MAP4K5: variants seen among roughly 807,000 people sequenced by gnomAD.
MAP4K5 encodes mitogen-activated protein kinase kinase kinase kinase 5.
Under a neutral mutation model 135.6 loss-of-function variants are expected in MAP4K5, and 82 were observed. The observed-to-expected ratio is 0.60, with a 90% CI of 0.51 to 0.73. The LOEUF (loss-of-function observed/expected upper bound fraction) is 0.73, where lower values mean the gene tolerates loss of function less well. MAP4K5 is among the 30% of genes least tolerant of loss of function. The probability of loss-of-function intolerance (pLI) is 0.00; values close to 1 mark genes in which losing one functional copy is unlikely to be tolerated. For synonymous variants in MAP4K5, 347 were observed against 335.0 expected (o/e 1.04, Z -0.39); for missense variants, 907 against 1,010.9 (o/e 0.90, Z 1.39).
At chr14:50,452,202 T>G (rs1249846022) in intron 14 of MAP4K5, among the ~76,000 whole-genome samples, 1 of 152,182 alleles carries the variant, frequency 6.6e-6, no homozygotes, top group African/African-American at 2.4e-5. Flanking sequence ...ATGGGTTTAT[T>G]AGGATGTAAC....
At chr14:50,482,697 A>C in intron 5 of MAP4K5, 2 of 245,972 alleles carry the variant, frequency 8.1e-6, no homozygotes, top group Non-Finnish European at 1.6e-5. Context: ...GAATTGCTTG[A>C]ACCCGGGAGG....
At chr14:50,511,511 C>G (rs1280423836) in intron 2 of MAP4K5, among the ~76,000 whole-genome samples, 2 of 152,044 alleles carry the variant, frequency 1.3e-5, no homozygotes, top group Non-Finnish European at 1.5e-5. Flanking sequence ...TACAGGATAG[C>G]TATAGTTAAC....
chr14:50,422,497 T>G (rs2035755957), intron 32 of MAP4K5, among the ~76,000 whole-genome samples: 1 of 151,972 alleles, frequency 6.6e-6, no homozygotes, highest in African/African-American at 2.4e-5. Flanking sequence ...AGTAACAACT[T>G]TTGGTGGGAA....
intron 13 of MAP4K5, among the ~76,000 whole-genome samples, chr14:50,459,854 T>C (rs1293328569): frequency 3.3e-5 from 5 of 151,982 alleles, no homozygotes; most frequent in Non-Finnish European, 5.9e-5. Flanking sequence ...TGTGCCACCA[T>C]GCCCAGCTAA....
At chr14:50,435,320 C>A (rs889379389) in intron 26 of MAP4K5, among the ~76,000 whole-genome samples, 1 of 152,104 alleles carries the variant, frequency 6.6e-6, no homozygotes, top group Non-Finnish European at 1.5e-5. Context: ...ACCTAACATG[C>A]AACCTAAAAA....
intron 2 of MAP4K5, among the ~76,000 whole-genome samples, chr14:50,539,993 AT>A (rs2038540622): frequency 6.6e-6 from 1 of 152,042 alleles, no homozygotes; most frequent in African/African-American, 2.4e-5. Flanking sequence ...GGCCCATACA[AT>A]TTACTCTTTT....
chr14:50,441,056 T>C (rs1009565635), intron 21 of MAP4K5, among the ~76,000 whole-genome samples: 3 of 152,090 alleles, frequency 2.0e-5, no homozygotes, highest in African/African-American at 4.8e-5. Context: ...AAATAAATAA[T>C]AGAGATAGAT....
chr14:50,472,133 C>T (rs1466696634), intron 9 of MAP4K5: 1 of 146,242 alleles, frequency 6.8e-6, no homozygotes, highest in African/African-American at 2.5e-5. Flanking sequence ...TGAAAAAACT[C>T]ATACTGGAGA....
chr14:50,492,619 G>A (rs927894822), intron 3 of MAP4K5, among the ~76,000 whole-genome samples: 14 of 149,142 alleles, frequency 9.4e-5, no homozygotes, highest in Admixed American at 2.0e-4. Flanking sequence ...ATTTGCTCAC[G>A]AAAGGACACA....
At chr14:50,541,116 A>C (rs888194992) in intron 2 of MAP4K5, among the ~76,000 whole-genome samples, 15 of 152,230 alleles carry the variant, frequency 9.9e-5, no homozygotes, top group African/African-American at 3.6e-4. Flanking sequence ...CTTTCTTTTC[A>C]ATTCCCGTCA....
intron 3 of MAP4K5, among the ~76,000 whole-genome samples, chr14:50,501,552 A>G (rs1218179128): frequency 6.6e-6 from 1 of 152,186 alleles, no homozygotes; most frequent in East Asian, 1.9e-4. Context: ...GTTATAAAAC[A>G]AAAGTCAAAT....
At chr14:50,448,726 T>C in intron 15 of MAP4K5, 48 bp downstream of exon 15, 1 of 1,198,628 alleles carries the variant, frequency 8.3e-7, no homozygotes, top group Middle Eastern at 2.0e-4. Context: ...AAAAAAAAGT[T>C]TTCTCAAATC....
rs541588173 is a variant in MAP4K5 at position 50,479,226 on chromosome 14, T to G, written c.379-2920A>C. 4.6e-5 allele frequency among the ~76,000 whole-genome samples: 7 copies of G among 151,788 alleles called. No individual in the cohort carries two copies. The East Asian group carries it at 1.4e-3, about 29-fold the overall frequency. ...ATTTTTGTCCCTTTTTCTTCTGTTG[T>G]CCCTTCAAGGACACCAATTATATCC... On this transcript the variant is annotated intron_variant, in intron 6 of 32. Coordinates refer to ENST00000682126, the MANE Select transcript of MAP4K5 (RefSeq NM_006575.6).
At chr14:50,485,505 G>T in intron 5 of MAP4K5, 73 bp downstream of exon 5, 1 of 956,146 alleles carries the variant, frequency 1.0e-6, no homozygotes. Context: ...AATTTCCGTG[G>T]TTAACTGGAA....
chr14:50,446,770 G>A (rs1336345918), intron 16 of MAP4K5, among the ~76,000 whole-genome samples: 4 of 152,222 alleles, frequency 2.6e-5, no homozygotes, highest in Middle Eastern at 3.4e-3. Flanking sequence ...TTGTAACTAT[G>A]GAACTCTGCT....
intron 10 of MAP4K5, 21 bp downstream of exon 10, chr14:50,468,630 A>C: frequency 6.2e-7 from 1 of 1,610,746 alleles, no homozygotes; most frequent in South Asian, 1.1e-5. Context: ...ATAACTGGAT[A>C]ATTATAAATA....
chr14:50,490,097 G>T (rs1482820859), intron 3 of MAP4K5, among the ~76,000 whole-genome samples: 2 of 147,070 alleles, frequency 1.4e-5, no homozygotes, highest in East Asian at 4.0e-4. Flanking sequence ...GTGAGAGAGA[G>T]AGACAGACAG....
chr14:50,451,718 A>G (rs2036489991), intron 14 of MAP4K5, among the ~76,000 whole-genome samples: 1 of 151,850 alleles, frequency 6.6e-6, no homozygotes, highest in Non-Finnish European at 1.5e-5. Context: ...TTTGGTAATT[A>G]TAGTCTATTT....
At chr14:50,512,401 T>C (rs1407483908) in intron 2 of MAP4K5, among the ~76,000 whole-genome samples, 1 of 152,104 alleles carries the variant, frequency 6.6e-6, no homozygotes, top group Non-Finnish European at 1.5e-5. Context: ...ATTGGAGGAT[T>C]TGAACAACAA....
Sources: gnomAD v4.1 joint callset for allele counts (sites outside exome capture counted in the v4.1 genomes callset) on GRCh38, gnomAD v4.1.1 for gene constraint, MANE v1.5 for transcripts, NCBI Gene and HGNC (gene_info 2026-07-23, HGNC 2026-07-21) for gene names.